The following CPLANE1 variants were observed in gnomAD, a reference collection of about 807,000 sequenced individuals.
CPLANE1 encodes ciliogenesis and planar polarity effector 1.
A neutral mutation model predicts 362.5 loss-of-function variants in CPLANE1; 263 were observed. That is an observed-to-expected ratio of 0.73 (90% CI 0.66 to 0.80). The LOEUF (loss-of-function observed/expected upper bound fraction) is 0.80. CPLANE1 is among the 30% of genes least tolerant of loss of function. The pLI is 0.00. For missense variants in CPLANE1, 3,461 were observed against 3,793.4 expected (o/e 0.91, Z 2.30); for synonymous variants, 1,212 against 1,302.6 (o/e 0.93, Z 1.50).
Position 37,107,797 on chromosome 5 carries a change from A to T in CPLANE1, c.9580-19T>A. On this transcript the variant is annotated intron_variant, in intron 52 of 52. Coordinates refer to ENST00000651892, the MANE Select transcript of CPLANE1 (RefSeq NM_001384732.1). Reference sequence around the variant, plus strand: ...ACAAGTCCTATTAAATTGAAAAGACAATTGTGGTCCTAGCCCCTAAAAACA... The same window carrying T: ...ACAAGTCCTATTAAATTGAAAAGACTATTGTGGTCCTAGCCCCTAAAAACA... The T allele has an allele frequency of 6.3e-7, 1 of 1,577,996 alleles. No individual in the cohort carries two copies. Among genetic ancestry groups the T allele is most frequent in the South Asian group, 1.2e-5 (1 of 86,560 alleles).
intron 50 of CPLANE1, among the ~76,000 whole-genome samples, chr5:37,116,770 T>G (rs1761142913): frequency 6.6e-6 from 1 of 152,178 alleles, no homozygotes; most frequent in East Asian, 1.9e-4. Flanking sequence ...TACAGTGAAT[T>G]TGAAAATCTT....
chr5:37,130,176 A>G (rs1765364168), intron 46 of CPLANE1, among the ~76,000 whole-genome samples: 1 of 152,346 alleles, frequency 6.6e-6, no homozygotes, highest in East Asian at 1.9e-4. Context: ...GCTCTCACTC[A>G]TAAGCTATGA....
intron 5 of CPLANE1, 83 bp from the exon 6 acceptor site, chr5:37,243,202 T>A: frequency 5.4e-6 from 4 of 745,770 alleles, no homozygotes; most frequent in Non-Finnish European, 8.3e-6. Flanking sequence ...ATATTCCTCA[T>A]CATAAACCAG....
chr5:37,162,387 C>A, intron 38 of CPLANE1, 78 bp downstream of exon 38: 1 of 859,242 alleles, frequency 1.2e-6, no homozygotes, highest in Non-Finnish European at 1.8e-6. Context: ...CTTTAAATCA[C>A]TGTCTTAAAG....
rs139973533 is a variant in CPLANE1 at position 37,196,873 on chromosome 5, C to T, written c.3673-877G>A. 2.1e-3 allele frequency among the ~76,000 whole-genome samples: 319 copies of T among 151,714 alleles called. 2 individuals are homozygous for T. The highest frequency in any genetic ancestry group is 7.6e-3 in the African/African-American group (313 of 41,352). ...CCGGGAGCCGGAGGTTGCGGTGAGC[C>T]GAGACCATGCCACTGCACCCAGCCT... On this transcript the variant is annotated intron_variant, in intron 20 of 52. Coordinates refer to ENST00000651892, the MANE Select transcript of CPLANE1 (RefSeq NM_001384732.1).
At chr5:37,148,300 G>T in intron 42 of CPLANE1, 32 bp from the exon 43 acceptor site, 1 of 1,394,738 alleles carries the variant, frequency 7.2e-7, no homozygotes. Context: ...CAAAACAACA[G>T]TAATACTTTG....
At chr5:37,177,212 T>G (rs1781414986) in intron 30 of CPLANE1, among the ~76,000 whole-genome samples, 3 of 152,234 alleles carry the variant, frequency 2.0e-5, no homozygotes, top group African/African-American at 7.2e-5. Context: ...ATCATAGCCC[T>G]AATGAATAGT....
At chr5:37,169,703 T>C (rs1039844463) in intron 33 of CPLANE1, 142 bp from the exon 34 acceptor site, 7 of 696,060 alleles carry the variant, frequency 1.0e-5, no homozygotes, top group African/African-American at 9.0e-5. Flanking sequence ...AAAAACACGA[T>C]GACTATTGAA....
At chr5:37,244,285 T>C (rs1370190445) in intron 5 of CPLANE1, 90 bp downstream of exon 5, 12 of 711,538 alleles carry the variant, frequency 1.7e-5, no homozygotes, top group Non-Finnish European at 2.3e-5. Context: ...ACAATTACTA[T>C]GAAAATTTAT....
chr5:37,205,245 A>G (rs1790381476), intron 18 of CPLANE1, 70 bp downstream of exon 18: 1 of 1,102,620 alleles, frequency 9.1e-7, no homozygotes, highest in Admixed American at 3.6e-5. Flanking sequence ...GTAGACATGT[A>G]TAAACTTTTT....
chr5:37,201,898 T>C, intron 18 of CPLANE1, 90 bp from the exon 19 acceptor site: 1 of 841,408 alleles, frequency 1.2e-6, no homozygotes, highest in Middle Eastern at 3.5e-4. Flanking sequence ...TCTAAAAACA[T>C]TCATTGTCAA....
chr5:37,170,483 A>AT (rs569232515), intron 32 of CPLANE1, 152 bp from the exon 33 acceptor site: 24,111 of 619,054 alleles, frequency 0.039, no homozygotes, highest in East Asian at 0.054. Context: ...AGTCAGGGAA[A>AT]TTTTTTTTTT....
intron 27 of CPLANE1, 64 bp from the exon 28 acceptor site, chr5:37,180,247 G>C: frequency 8.6e-7 from 1 of 1,169,580 alleles, no homozygotes. Context: ...ATTCAGTTTT[G>C]GGTTTTTTTT....
chr5:37,098,181 C>T, the CPLANE1 span, among the ~76,000 whole-genome samples: 1 of 151,854 alleles, frequency 6.6e-6, no homozygotes, highest in Non-Finnish European at 1.5e-5. Flanking sequence ...ATCACAAGAT[C>T]AGGAGTTCGA....
intron 15 of CPLANE1, among the ~76,000 whole-genome samples, chr5:37,220,600 G>A (rs748978349): frequency 7.3e-5 from 11 of 151,598 alleles, no homozygotes; most frequent in Admixed American, 2.6e-4. Context: ...ACCTTGGCTC[G>A]CTCACTGCAA....
chr5:37,220,034 C>T (rs1283754748), intron 15 of CPLANE1, among the ~76,000 whole-genome samples: 1 of 152,098 alleles, frequency 6.6e-6, no homozygotes, highest in African/African-American at 2.4e-5. Context: ...GGGTGGATTG[C>T]TTGAGCCCAG....
intron 18 of CPLANE1, 71 bp from the exon 19 acceptor site, chr5:37,201,879 A>G (rs1433925620): frequency 9.3e-7 from 1 of 1,078,202 alleles, no homozygotes; most frequent in Non-Finnish European, 1.3e-6. Flanking sequence ...TGTAGGAAAA[A>G]ATTTCAAATC....
chr5:37,095,581 C>T, the CPLANE1 span, among the ~76,000 whole-genome samples: 1 of 152,142 alleles, frequency 6.6e-6, no homozygotes, highest in African/African-American at 2.4e-5. Context: ...CTAGCCAGAG[C>T]AATCAGACAA....
At chr5:37,235,328 T>C (rs967491027) in intron 8 of CPLANE1, among the ~76,000 whole-genome samples, 2 of 152,016 alleles carry the variant, frequency 1.3e-5, no homozygotes, top group African/African-American at 2.4e-5. Flanking sequence ...ATTATAATTA[T>C]AAAACGCTGA....
Sources: gnomAD v4.1 joint callset for allele counts (sites outside exome capture counted in the v4.1 genomes callset) on GRCh38, gnomAD v4.1.1 for gene constraint, MANE v1.5 for transcripts, NCBI Gene and HGNC (gene_info 2026-07-23, HGNC 2026-07-21) for gene names.